PRCP: variants seen among roughly 807,000 people sequenced by gnomAD.
The protein encoded by PRCP is lysosomal Pro-X carboxypeptidase.
In PRCP, 46 loss-of-function variants were observed where a neutral mutation model predicts 54.2. The observed-to-expected ratio is 0.85, with a 90% CI of 0.67 to 1.09. The LOEUF (loss-of-function observed/expected upper bound fraction) is 1.09. Ranked by LOEUF, PRCP falls within the 50% of genes least tolerant of loss-of-function variation. The probability of loss-of-function intolerance (pLI) is 0.00; values close to 1 mark genes in which losing one functional copy is unlikely to be tolerated. For missense variants in PRCP, 613 were observed against 596.8 expected, an observed-to-expected ratio of 1.03 and a Z score of -0.28; for synonymous variants, 240 against 212.2, an observed-to-expected ratio of 1.13 and a Z score of -1.14.
chr11:82,885,254 C>T (rs548507502), intron 1 of PRCP, among the ~76,000 whole-genome samples: 1 of 152,278 alleles, frequency 6.6e-6, no homozygotes, highest in South Asian at 2.1e-4. Flanking sequence ...ATTTAATATA[C>T]ATTCCTCATT....
intron 1 of PRCP, among the ~76,000 whole-genome samples, chr11:82,883,667 A>G (rs1431015480): frequency 1.3e-5 from 2 of 152,230 alleles, no homozygotes; most frequent in East Asian, 3.8e-4. Context: ...AAATAAATTC[A>G]CAACATCAAT....
At chr11:82,833,640 A>C (rs1858446607) in intron 8 of PRCP, among the ~76,000 whole-genome samples, 1 of 152,146 alleles carries the variant, frequency 6.6e-6, no homozygotes, top group Admixed American at 6.5e-5. Flanking sequence ...TGAAGAGTGT[A>C]CTTTCATTTA....
chr11:82,830,478 A>G (rs1424961652), intron 8 of PRCP: 1 of 151,608 alleles, frequency 6.6e-6, no homozygotes, highest in Non-Finnish European at 1.5e-5. Flanking sequence ...AAATACAACA[A>G]TTAGCCGGGC....
intron 7 of PRCP, 80 bp from the exon 8 acceptor site, chr11:82,838,654 C>G (rs1858588828): frequency 4.2e-6 from 6 of 1,421,430 alleles, no homozygotes; most frequent in Non-Finnish European, 5.7e-6. Context: ...AGTCATAATG[C>G]TGGTAAGTAG....
In PRCP at chr11:82,900,361, C is replaced by T; in HGVS notation, c.42G>A (p.Leu14=). The change falls in exon 1 of 9, where the codon CTG becomes CTA. Residue 14 remains leucine, a synonymous_variant. Transcript: ENST00000313010. ...RALLLLLLSF[L]APWATIALRP... is the part of the protein sequence containing the mutation. ...GGAGGGCTATGGTGGCCCAGGGCGCCAGAAAAGACAGAAGCAGGAGCAGGA... is the reference window on the plus strand; with the variant it reads ...GGAGGGCTATGGTGGCCCAGGGCGCTAGAAAAGACAGAAGCAGGAGCAGGA... The T allele has an allele frequency of 6.2e-7, 1 of 1,614,022 alleles. No individual in the cohort carries two copies. The highest frequency in any genetic ancestry group is 8.5e-7 in the Non-Finnish European group (1 of 1,179,926).
intron 8 of PRCP, among the ~76,000 whole-genome samples, chr11:82,833,319 C>T (rs1371497896): frequency 6.6e-6 from 1 of 152,102 alleles, no homozygotes; most frequent in African/African-American, 2.4e-5. Flanking sequence ...ACCTATCCTC[C>T]CTTATGGAAT....
At chr11:82,892,992 A>T (rs1450801004) in intron 1 of PRCP, among the ~76,000 whole-genome samples, 1 of 152,186 alleles carries the variant, frequency 6.6e-6, no homozygotes, top group African/African-American at 2.4e-5. Flanking sequence ...TGGGTAAGTG[A>T]CTGATTGAGT....
intron 3 of PRCP, among the ~76,000 whole-genome samples, chr11:82,851,152 G>A (rs911609702): frequency 1.3e-5 from 2 of 152,134 alleles, no homozygotes; most frequent in African/African-American, 4.8e-5. Context: ...TACTGCAGAA[G>A]GTGAAGCCCA....
chr11:82,823,245 C>T lies in PRCP; in HGVS notation c.*1661G>A, dbSNP rs546858381. 1.3e-4 allele frequency among the ~76,000 whole-genome samples: 20 copies of T among 152,164 alleles called. No homozygotes were observed. The highest frequency in any genetic ancestry group is 4.8e-4 in the African/African-American group (20 of 41,532). On this transcript the variant is annotated 3_prime_UTR_variant, in exon 9 of 9. Coordinates refer to ENST00000313010, the MANE Select transcript of PRCP (RefSeq NM_005040.4). ...CTACACAAGGGAAAAACCCTAAAATCGTAAAATAAATTGTAAGAATATCCT... is the reference window on the plus strand; with the variant it reads ...CTACACAAGGGAAAAACCCTAAAATTGTAAAATAAATTGTAAGAATATCCT...
intron 1 of PRCP, among the ~76,000 whole-genome samples, chr11:82,889,509 G>A (rs1565236309): frequency 6.6e-6 from 1 of 152,094 alleles, no homozygotes; most frequent in African/African-American, 2.4e-5. Context: ...AGGAGGCAGA[G>A]GCAGAAGCAG....
At chr11:82,841,867 A>G (rs1324265504) in intron 6 of PRCP, among the ~76,000 whole-genome samples, 1 of 152,248 alleles carries the variant, frequency 6.6e-6, no homozygotes, top group South Asian at 2.1e-4. Context: ...TCAAGAAACA[A>G]TCATAAGATA....
chr11:82,832,889 G>A (rs970100480), intron 8 of PRCP, among the ~76,000 whole-genome samples: 1 of 152,144 alleles, frequency 6.6e-6, no homozygotes, highest in African/African-American at 2.4e-5. Context: ...CTTTGGGAGT[G>A]CTGTTTCTTC....
At chr11:82,847,201 A>C (rs954912634) in intron 6 of PRCP, among the ~76,000 whole-genome samples, 2 of 152,262 alleles carry the variant, frequency 1.3e-5, no homozygotes, top group Non-Finnish European at 2.9e-5. Context: ...TCAAGTGAGA[A>C]TAAAGATACA....
chr11:82,871,728 A>C (rs1859488048), intron 1 of PRCP, among the ~76,000 whole-genome samples: 1 of 152,168 alleles, frequency 6.6e-6, no homozygotes, highest in Non-Finnish European at 1.5e-5. Flanking sequence ...TGACCTCATA[A>C]ATCTTCTGTT....
intron 8 of PRCP, chr11:82,829,391 C>T (rs12225743): frequency 0.19 from 29,600 of 152,234 alleles, 3,077 homozygotes; most frequent in Admixed American, 0.26. Context: ...TGAAGAAGAA[C>T]ATGCTGGGGC....
chr11:82,890,704 T>C (rs944003851), intron 1 of PRCP, among the ~76,000 whole-genome samples: 8 of 152,360 alleles, frequency 5.3e-5, no homozygotes, highest in Admixed American at 2.6e-4. Flanking sequence ...TCCACTCCAA[T>C]GAGGCTTTCG....
intron 1 of PRCP, among the ~76,000 whole-genome samples, chr11:82,869,348 T>C (rs1354306892): frequency 4.0e-4 from 46 of 113,582 alleles, no homozygotes; most frequent in African/African-American, 1.5e-3. Flanking sequence ...AGAGTGAGAC[T>C]CCATCTCAAA....
intron 1 of PRCP, among the ~76,000 whole-genome samples, chr11:82,881,162 T>C (rs1859739817): frequency 1.3e-5 from 2 of 152,232 alleles, no homozygotes; most frequent in African/African-American, 2.4e-5. Context: ...TAGGAATTCA[T>C]TTAGTGGGTC....
At chr11:82,829,450 A>T (rs1858324314) in intron 8 of PRCP, 1 of 152,146 alleles carries the variant, frequency 6.6e-6, no homozygotes, top group African/African-American at 2.4e-5. Flanking sequence ...CACCAACCTC[A>T]TGGCTAGCTC....
Sources: allele counts gnomAD v4.1 joint callset (sites outside exome capture counted in the v4.1 genomes callset), GRCh38; gene constraint gnomAD v4.1.1; transcripts MANE v1.5; gene names NCBI Gene and HGNC (gene_info 2026-07-23, HGNC 2026-07-21).